Variants in PGM2L1 observed in about 807,000 individuals in gnomAD.
The protein encoded by PGM2L1 is phosphoglucomutase 2 like 1, also known as glucose 1,6-bisphosphate synthase.
Under a neutral mutation model 73.4 loss-of-function variants are expected in PGM2L1, and 35 were observed. The observed-to-expected ratio is 0.48, with a 90% confidence interval of 0.36 to 0.63. The LOEUF (loss-of-function observed/expected upper bound fraction) is 0.63. Ranked by LOEUF, PGM2L1 falls within the 30% of genes least tolerant of loss-of-function variation. The pLI is 0.00. For missense variants in PGM2L1, 570 were observed against 742.0 expected, an observed-to-expected ratio of 0.77 and a Z score of 2.69; for synonymous variants, 225 against 253.8, an observed-to-expected ratio of 0.89 and a Z score of 1.08.
intron 5 of PGM2L1, among the ~76,000 whole-genome samples, chr11:74,357,024 T>A (rs1862468864): frequency 6.6e-6 from 1 of 152,064 alleles, no homozygotes; most frequent in African/African-American, 2.4e-5. Context: ...ATTTTTTGTA[T>A]TTTTAGTAGA....
intron 1 of PGM2L1, among the ~76,000 whole-genome samples, chr11:74,392,559 G>C (rs1231621224): frequency 1.5e-5 from 2 of 130,780 alleles, no homozygotes; most frequent in East Asian, 4.3e-4. Flanking sequence ...TTTTTTTTTT[G>C]AGACGGAGTC....
At chr11:74,343,468 A>C in intron 9 of PGM2L1, 52 bp from the exon 10 acceptor site, 2 of 1,580,332 alleles carry the variant, frequency 1.3e-6, no homozygotes, top group Non-Finnish European at 1.7e-6. Context: ...ACAAATACCT[A>C]TTAGAGAAAA....
chr11:74,341,529 TA>T (rs902913124), intron 12 of PGM2L1, among the ~76,000 whole-genome samples: 3 of 151,826 alleles, frequency 2.0e-5, no homozygotes, highest in African/African-American at 7.3e-5. Flanking sequence ...CTGTCTCTAC[TA>T]AAAATACAAA....
At chr11:74,371,656 T>G (rs1372425970) in intron 3 of PGM2L1, 55 bp downstream of exon 3, 1 of 1,491,992 alleles carries the variant, frequency 6.7e-7, no homozygotes, top group African/African-American at 1.4e-5. Context: ...AAAAAAATGT[T>G]TTAAATATGT....
chr11:74,385,539 CATACGGAAGTTGCCTATTTGGG>C (rs1863005962), intron 1 of PGM2L1, among the ~76,000 whole-genome samples: 1 of 152,102 alleles, frequency 6.6e-6, no homozygotes, highest in South Asian at 2.1e-4. Context: ...GAAATGTTCT[CATACGGAAGTTGCCTATTTGGG>C]ATACTACAGA....
chr11:74,377,217 C>T (rs1021931513), intron 1 of PGM2L1, among the ~76,000 whole-genome samples: 4 of 151,558 alleles, frequency 2.6e-5, no homozygotes, highest in African/African-American at 9.7e-5. Flanking sequence ...TCACTGCAAG[C>T]TCCGCCTCCC....
At chr11:74,353,176 G>GT (rs141823370) in intron 5 of PGM2L1, among the ~76,000 whole-genome samples, 62,308 of 151,424 alleles carry the variant, frequency 0.41, 14,776 homozygotes, top group East Asian at 0.52. Flanking sequence ...AACCCAGAAT[G>GT]TTTTTTTGTG....
chr11:74,331,013 T>TA lies in PGM2L1; in HGVS notation c.*5638dup, dbSNP rs923329174. 10 of 152,210 alleles carry TA rather than the reference T, an allele frequency of 6.6e-5. No homozygotes were observed. Among genetic ancestry groups the TA allele is most frequent in the African/African-American group, 2.2e-4 (9 of 41,446 alleles). 9.4% of individuals were successfully genotyped at this position (152,210 alleles called of 1,614,324 possible). A position where few individuals can be genotyped will look rare whatever the true frequency, so the allele number is the denominator to read the frequency against. On this transcript the variant is annotated 3_prime_UTR_variant, in exon 14 of 14. Transcript: ENST00000298198. Reference sequence around the variant, plus strand: ...TGTTCCTTAAACTATTTGCTACTTTTAAAAAATCCCTTAATTCCTAGTATC... The same window carrying TA: ...TGTTCCTTAAACTATTTGCTACTTTTAAAAAAATCCCTTAATTCCTAGTATC...
chr11:74,375,305 G>A (rs1004008186), intron 1 of PGM2L1, among the ~76,000 whole-genome samples: 22 of 152,088 alleles, frequency 1.4e-4, no homozygotes, highest in African/African-American at 3.6e-4. Context: ...TTTCATTGTC[G>A]TGTACTTTAA....
chr11:74,383,824 A>AATAAATAAATATAT (rs61026077), intron 1 of PGM2L1, among the ~76,000 whole-genome samples: 74 of 121,836 alleles, frequency 6.1e-4, no homozygotes, highest in African/African-American at 2.2e-3. Context: ...TATATAAATA[A>AATAAATAAATATAT]ATATATATAT....
chr11:74,378,948 T>C (rs1862898869), intron 1 of PGM2L1, among the ~76,000 whole-genome samples: 1 of 152,182 alleles, frequency 6.6e-6, no homozygotes, highest in Non-Finnish European at 1.5e-5. Context: ...TGTTCATAAC[T>C]AGGGACTTCT....
rs756038561 is a variant in PGM2L1, at chr11:74,371,011, G to T, written c.387-25C>A. On this transcript the variant is annotated intron_variant, in intron 3 of 13. Transcript: ENST00000298198. ...CCTAAAAAAAGAGAGATTTAACTTAGTCCTTTGCCTACCATACTTTTTAAA... is the reference window on the plus strand; with the variant it reads ...CCTAAAAAAAGAGAGATTTAACTTATTCCTTTGCCTACCATACTTTTTAAA... 20 of 1,584,984 alleles carry T rather than the reference G, an allele frequency of 1.3e-5. No homozygotes were observed. The South Asian group carries it at 2.1e-4, about 17-fold the overall frequency.
chr11:74,371,906 G>T, intron 2 of PGM2L1, 89 bp from the exon 3 acceptor site: 2 of 1,129,982 alleles, frequency 1.8e-6, no homozygotes, highest in Non-Finnish European at 2.7e-6. Flanking sequence ...TTGCTGTGCA[G>T]CTGACTGGCT....
At chr11:74,387,617 T>G (rs1863035899) in intron 1 of PGM2L1, among the ~76,000 whole-genome samples, 1 of 152,170 alleles carries the variant, frequency 6.6e-6, no homozygotes, top group African/African-American at 2.4e-5. Flanking sequence ...CTGTGCCCAT[T>G]TTAAATTTTT....
intron 5 of PGM2L1, chr11:74,354,859 A>C (rs1304292112): frequency 1.4e-5 from 12 of 862,720 alleles, no homozygotes; most frequent in Admixed American, 1.4e-4. Flanking sequence ...ATCATGACTG[A>C]CCGAGGCAGT....
intron 1 of PGM2L1, among the ~76,000 whole-genome samples, chr11:74,396,144 A>T (rs1397952761): frequency 6.6e-6 from 1 of 151,778 alleles, no homozygotes; most frequent in East Asian, 2.0e-4. Flanking sequence ...CTGTAGTCCC[A>T]GCTACTCGGC....
rs755917080 is a variant in PGM2L1 at position 74,338,523 on chromosome 11, C to T, written c.1711G>A (p.Gly571Arg). 7 of 1,606,130 alleles carry T rather than the reference C, an allele frequency of 4.4e-6. No homozygotes were observed. Among genetic ancestry groups the T allele is most frequent in the Middle Eastern group, 1.7e-4 (1 of 6,040 alleles). ...TAATACTTTATCTTTGGTTCTGTTCCACTTGTCCGAAGGGTAGCAACACAG... is the reference window on the plus strand; with the variant it reads ...TAATACTTTATCTTTGGTTCTGTTCTACTTGTCCGAAGGGTAGCAACACAG... ...NGCVATLRTS[G>R]TEPKIKYYAE... is the part of the protein sequence containing the mutation. Residue 571 changes from glycine (G) to arginine (R), a missense_variant, in exon 13 of 14, where the codon GGA becomes AGA. Gly to Arg is a moderately radical substitution (Grantham distance 125). Transcript: ENST00000298198.
At chr11:74,367,644 A>G (rs1036888696) in intron 5 of PGM2L1, among the ~76,000 whole-genome samples, 1 of 152,146 alleles carries the variant, frequency 6.6e-6, no homozygotes, top group Non-Finnish European at 1.5e-5. Flanking sequence ...ATAATCTTAT[A>G]TGCTCTAACA....
chr11:74,380,678 T>TA (rs1441794208), intron 1 of PGM2L1, among the ~76,000 whole-genome samples: 7 of 152,032 alleles, frequency 4.6e-5, no homozygotes, highest in African/African-American at 1.2e-4. Flanking sequence ...TATCTTTTTT[T>TA]AAAAAAACTA....
Sources: gnomAD v4.1 joint callset for allele counts (sites outside exome capture counted in the v4.1 genomes callset) on GRCh38, gnomAD v4.1.1 for gene constraint, MANE v1.5 for transcripts, NCBI Gene and HGNC (gene_info 2026-07-23, HGNC 2026-07-21) for gene names.